The following OPCML variants were observed in gnomAD, a reference collection of about 807,000 sequenced individuals.
OPCML encodes opioid-binding protein/cell adhesion molecule.
In OPCML, 13 loss-of-function variants were observed where a neutral mutation model predicts 37.8. That is an observed-to-expected ratio of 0.34 (90% CI 0.22 to 0.55). The LOEUF (loss-of-function observed/expected upper bound fraction) is 0.55, where lower values mean the gene tolerates loss of function less well. Among genes scored for constraint, OPCML ranks in the 20% least tolerant of loss-of-function variants. The pLI, the probability that OPCML is intolerant of heterozygous loss-of-function variation, is 0.91. For missense variants in OPCML, 341 were observed against 435.6 expected, an observed-to-expected ratio of 0.78 and a Z score of 1.93; for synonymous variants, 176 against 168.8, an observed-to-expected ratio of 1.04 and a Z score of -0.33.
chr11:132,585,301 A>G (rs1012296025), intron 3 of OPCML, among the ~76,000 whole-genome samples: 22 of 152,112 alleles, frequency 1.4e-4, no homozygotes, highest in African/African-American at 5.1e-4. Context: ...CAGAAAAAAA[A>G]TACTGATTGG....
chr11:132,827,159 A>C (rs1940397782), intron 2 of OPCML, among the ~76,000 whole-genome samples: 1 of 152,206 alleles, frequency 6.6e-6, no homozygotes, highest in Non-Finnish European at 1.5e-5. Context: ...TGTCTGCAAA[A>C]CATATATCCG....
intron 1 of OPCML, among the ~76,000 whole-genome samples, chr11:133,440,821 T>C (rs899995177): frequency 6.8e-6 from 1 of 147,266 alleles, no homozygotes; most frequent in Non-Finnish European, 1.5e-5. Flanking sequence ...TGTGTATATA[T>C]ATATATATAA....
intron 2 of OPCML, among the ~76,000 whole-genome samples, chr11:132,726,543 G>A (rs1306807453): frequency 4.6e-5 from 7 of 151,830 alleles, no homozygotes; most frequent in Non-Finnish European, 8.8e-5. Context: ...ATAATAATGA[G>A]GTTACAGTTT....
chr11:132,573,614 G>T (rs1233230788), intron 3 of OPCML, among the ~76,000 whole-genome samples: 1 of 151,842 alleles, frequency 6.6e-6, no homozygotes, highest in Non-Finnish European at 1.5e-5. Flanking sequence ...CTTTGAATAT[G>T]CTGTCCAATT....
At chr11:133,460,998 T>C (rs940382332) in intron 1 of OPCML, among the ~76,000 whole-genome samples, 1 of 151,918 alleles carries the variant, frequency 6.6e-6, no homozygotes, top group African/African-American at 2.4e-5. Flanking sequence ...CATGATCATT[T>C]CATTTGAGTC....
intron 3 of OPCML, among the ~76,000 whole-genome samples, chr11:132,590,633 A>T (rs569747807): frequency 6.6e-6 from 1 of 152,326 alleles, no homozygotes; most frequent in African/African-American, 2.4e-5. Context: ...CTTACTTAGC[A>T]CTTTAGTGGA....
chr11:132,419,870 G>A lies in OPCML; in HGVS notation c.*323C>T, dbSNP rs2095951344. On this transcript the variant is annotated 3_prime_UTR_variant, in exon 8 of 8. Transcript: ENST00000524381. ...TGAAACTTACGTTTTGTTGTGTGTGGCAGAGGATGTTGTTGGGAATGATGA... is the reference window on the plus strand; with the variant it reads ...TGAAACTTACGTTTTGTTGTGTGTGACAGAGGATGTTGTTGGGAATGATGA... 3.5e-6 allele frequency: 1 copy of A among 281,768 alleles called. No homozygotes were observed. Among genetic ancestry groups the A allele is most frequent in the South Asian group, 6.5e-5 (1 of 15,388 alleles). 17.5% of individuals were successfully genotyped at this position (281,768 alleles called of 1,614,324 possible).
chr11:132,511,938 G>A (rs181564687), intron 4 of OPCML, among the ~76,000 whole-genome samples: 7 of 152,126 alleles, frequency 4.6e-5, no homozygotes, highest in African/African-American at 7.2e-5. Flanking sequence ...AGAAGGCAAA[G>A]CATAGGCTAA....
chr11:133,181,124 G>T (rs376686788), intron 1 of OPCML, among the ~76,000 whole-genome samples: 2 of 152,284 alleles, frequency 1.3e-5, no homozygotes, highest in East Asian at 3.9e-4. Flanking sequence ...GGGAGAACAC[G>T]TTAGTGGTTG....
At chr11:133,222,872 G>C (rs944314316) in intron 1 of OPCML, among the ~76,000 whole-genome samples, 8 of 152,178 alleles carry the variant, frequency 5.3e-5, no homozygotes, top group African/African-American at 1.9e-4. Context: ...TGCAGTGACA[G>C]GAGGAGACGA....
chr11:132,859,945 A>G (rs1942231009), intron 2 of OPCML: 1 of 152,142 alleles, frequency 6.6e-6, no homozygotes, highest in South Asian at 2.1e-4. Context: ...CTTTCAATTC[A>G]TTAAAAAAGG....
At chr11:133,400,853 C>T (rs1196320351) in intron 1 of OPCML, among the ~76,000 whole-genome samples, 1 of 152,132 alleles carries the variant, frequency 6.6e-6, no homozygotes, top group East Asian at 1.9e-4. Context: ...CCTGAGAAAG[C>T]TGCTGGACCT....
intron 1 of OPCML, among the ~76,000 whole-genome samples, chr11:132,950,755 C>T (rs1019791975): frequency 1.3e-5 from 2 of 152,140 alleles, no homozygotes; most frequent in African/African-American, 4.8e-5. Context: ...GAAATAGGTG[C>T]CTTCAGCCAA....
chr11:133,085,926 T>C (rs1359529074), intron 1 of OPCML, among the ~76,000 whole-genome samples: 1 of 152,222 alleles, frequency 6.6e-6, no homozygotes, highest in Non-Finnish European at 1.5e-5. Flanking sequence ...AATTGTTTAA[T>C]TAACCTGTCG....
intron 4 of OPCML, among the ~76,000 whole-genome samples, chr11:132,466,810 A>C (rs2096121502): frequency 6.6e-6 from 1 of 152,218 alleles, no homozygotes; most frequent in South Asian, 2.1e-4. Context: ...GTACACATTC[A>C]TCCATTTTGG....
chr11:133,207,260 A>G (rs1939116033), intron 1 of OPCML, among the ~76,000 whole-genome samples: 1 of 152,058 alleles, frequency 6.6e-6, no homozygotes, highest in Non-Finnish European at 1.5e-5. Flanking sequence ...AGATCAAGCC[A>G]CTGCCCTCCA....
At chr11:133,511,383 T>C (rs976565907) in intron 1 of OPCML, among the ~76,000 whole-genome samples, 1 of 152,240 alleles carries the variant, frequency 6.6e-6, no homozygotes, top group African/African-American at 2.4e-5. Context: ...CAGGACCGCG[T>C]GGCTAACTGG....
chr11:132,850,229 C>A (rs1048429561), intron 2 of OPCML, among the ~76,000 whole-genome samples: 1 of 152,114 alleles, frequency 6.6e-6, no homozygotes, highest in African/African-American at 2.4e-5. Context: ...GGAAGGAAAG[C>A]GAGCCCTACT....
chr11:132,867,579 G>T (rs141190394), intron 2 of OPCML, among the ~76,000 whole-genome samples: 6 of 152,318 alleles, frequency 3.9e-5, no homozygotes, highest in Non-Finnish European at 7.3e-5. Flanking sequence ...TGAAAATAGA[G>T]CACACCAGTG....
Sources: gnomAD v4.1 joint callset for allele counts (sites outside exome capture counted in the v4.1 genomes callset) on GRCh38, gnomAD v4.1.1 for gene constraint, MANE v1.5 for transcripts, NCBI Gene and HGNC (gene_info 2026-07-23, HGNC 2026-07-21) for gene names.